The following TFDP2 variants were observed in gnomAD, a reference collection of about 807,000 sequenced individuals.
TFDP2 encodes transcription factor Dp-2 (E2F dimerization partner 2).
TFDP2 carries 17 observed loss-of-function variants against 59.3 expected under a neutral mutation model. The ratio of observed to expected loss-of-function variants is 0.29; its 90% confidence interval spans 0.20 to 0.43. TFDP2 has a LOEUF of 0.43. TFDP2 is among the 20% of genes least tolerant of loss of function. The pLI is 1.00. For missense variants in TFDP2, 391 were observed against 528.8 expected (o/e 0.74, Z 2.56); for synonymous variants, 180 against 194.7 (o/e 0.92, Z 0.63).
In TFDP2 at chr3:141,974,152, C is replaced by A; in HGVS notation, c.559G>T (p.Ala187Ser). ...TTCATTGCCATTAGCACATTTAAAGCATCATAAACTCTTCGCCTAATGTTC... is the reference window on the plus strand; with the variant it reads ...TTCATTGCCATTAGCACATTTAAAGAATCATAAACTCTTCGCCTAATGTTC... ...QKNIRRRVYDALNVLMAMNII... is the reference protein window; with the variant it reads ...QKNIRRRVYDSLNVLMAMNII... Residue 187 changes from alanine (A) to serine (S), a missense_variant, in exon 8 of 13, where the codon GCT becomes TCT. By Grantham distance (99) the Ala-to-Ser change is moderately conservative. This residue lies in a region of TFDP2 where 6 missense variants were observed against 29.4 expected (regional missense o/e 0.20). Transcript: ENST00000489671. The A allele has an allele frequency of 6.2e-7, 1 of 1,609,650 alleles. No individual in the cohort carries two copies.
chr3:142,032,954 G>C (rs1946507516), intron 3 of TFDP2, among the ~76,000 whole-genome samples: 1 of 152,142 alleles, frequency 6.6e-6, no homozygotes, highest in Non-Finnish European at 1.5e-5. Context: ...CCAGCACTTT[G>C]AGAGGCTGTG....
intron 9 of TFDP2, among the ~76,000 whole-genome samples, chr3:141,969,457 G>GA (rs1939372403): frequency 6.6e-6 from 1 of 150,462 alleles, no homozygotes; most frequent in African/African-American, 2.4e-5. Flanking sequence ...CTAAAAATAC[G>GA]AAAAAACTAG....
intron 3 of TFDP2, among the ~76,000 whole-genome samples, chr3:142,008,932 T>C (rs1944430013): frequency 1.3e-5 from 2 of 152,106 alleles, no homozygotes; most frequent in Admixed American, 6.6e-5. Flanking sequence ...GAAATTGAGA[T>C]TGAGATTAAA....
chr3:141,977,105 T>C (rs1366574738), intron 7 of TFDP2, among the ~76,000 whole-genome samples: 1 of 88,772 alleles, frequency 1.1e-5, no homozygotes, highest in Non-Finnish European at 2.4e-5. Flanking sequence ...TATATATATA[T>C]ATTTTTTTTT....
chr3:142,015,857 A>G (rs1945090543), intron 3 of TFDP2, among the ~76,000 whole-genome samples: 1 of 152,250 alleles, frequency 6.6e-6, no homozygotes, highest in Admixed American at 6.5e-5. Flanking sequence ...TGGTAGGGCT[A>G]TATTTCACTT....
intron 1 of TFDP2, among the ~76,000 whole-genome samples, chr3:142,142,105 C>A (rs767975773): frequency 2.0e-5 from 3 of 152,074 alleles, no homozygotes; most frequent in Non-Finnish European, 2.9e-5. Context: ...CTAGAGCAAT[C>A]AGACAACAGA....
chr3:142,045,843 A>G (rs1051820061), intron 3 of TFDP2, among the ~76,000 whole-genome samples: 1 of 149,788 alleles, frequency 6.7e-6, no homozygotes, highest in Non-Finnish European at 1.5e-5. Flanking sequence ...GGCTGGTCTC[A>G]AAATCCTGAC....
At chr3:142,062,401 A>ATATG (rs1452927187) in intron 3 of TFDP2, among the ~76,000 whole-genome samples, 5 of 144,022 alleles carry the variant, frequency 3.5e-5, no homozygotes, top group African/African-American at 1.0e-4. Context: ...TATAATATAT[A>ATATG]TGTGTGTGTG....
At chr3:142,125,616 T>A (rs2062211390) in intron 1 of TFDP2, among the ~76,000 whole-genome samples, 1 of 151,734 alleles carries the variant, frequency 6.6e-6, no homozygotes, top group Non-Finnish European at 1.5e-5. Context: ...CATCATGGCC[T>A]AAAAAAAATG....
At chr3:141,978,143 G>C (rs1940989016) in intron 7 of TFDP2, among the ~76,000 whole-genome samples, 1 of 151,808 alleles carries the variant, frequency 6.6e-6, no homozygotes, top group African/African-American at 2.4e-5. Flanking sequence ...TCAGGAGTTT[G>C]AGACCAGCCT....
intron 1 of TFDP2, among the ~76,000 whole-genome samples, chr3:142,103,954 G>A (rs574003393): frequency 1.9e-4 from 29 of 151,612 alleles, no homozygotes; most frequent in Admixed American, 5.3e-4. Flanking sequence ...ATAGGTATAC[G>A]TGTGCCATGG....
At position 141,944,621 on chromosome 3, in the gene TFDP2, C is replaced by T. The variant is rs1935050535; in HGVS notation, c.*7892G>A. On this transcript the variant is annotated 3_prime_UTR_variant, in exon 13 of 13. Transcript: ENST00000489671. ...CATTACAAATACAGCTTCCCAGGCC[C>T]CACCTCCAGCACTTCTGACTGAGCG... 1 of 152,154 alleles carries T rather than the reference C, an allele frequency of 6.6e-6. No homozygotes were observed. The highest frequency in any genetic ancestry group is 1.5e-5 in the Non-Finnish European group (1 of 68,042). The allele number at this position is 152,154 out of a possible 1,614,324, so 9.4% of individuals were successfully genotyped here. A position where few individuals can be genotyped will look rare whatever the true frequency, so the allele number is the denominator to read the frequency against.
At chr3:142,031,246 T>G (rs1216459676) in intron 3 of TFDP2, among the ~76,000 whole-genome samples, 1 of 152,228 alleles carries the variant, frequency 6.6e-6, no homozygotes, top group African/African-American at 2.4e-5. Context: ...CTACTGTTCT[T>G]GCAGAATGAA....
intron 1 of TFDP2, among the ~76,000 whole-genome samples, chr3:142,129,119 G>T (rs1277997237): frequency 1.3e-5 from 2 of 151,878 alleles, no homozygotes; most frequent in Non-Finnish European, 2.9e-5. Flanking sequence ...CAGAAACCTT[G>T]TCTGCATGAA....
intron 4 of TFDP2, among the ~76,000 whole-genome samples, chr3:141,997,373 TA>T (rs1412570523): frequency 6.6e-6 from 1 of 152,148 alleles, no homozygotes; most frequent in Admixed American, 6.5e-5. Context: ...GGACAACTTA[TA>T]AAGAAAAATG....
intron 11 of TFDP2, 53 bp from the exon 12 acceptor site, chr3:141,953,069 C>A: frequency 7.7e-7 from 1 of 1,306,220 alleles, no homozygotes. Flanking sequence ...TCTGTGGCTG[C>A]TGTTGTTACA....
intron 3 of TFDP2, among the ~76,000 whole-genome samples, chr3:142,012,228 G>A (rs1030730543): frequency 2.6e-5 from 4 of 152,146 alleles, no homozygotes; most frequent in South Asian, 2.1e-4. Context: ...TAGCCAGGAC[G>A]GTCTCGATCT....
chr3:141,989,082 T>C (rs1051838889), intron 6 of TFDP2: 1 of 152,242 alleles, frequency 6.6e-6, no homozygotes, highest in African/African-American at 2.4e-5. Flanking sequence ...ATTACAACTT[T>C]ATTTTATTGT....
At chr3:141,992,573 T>C (rs1270002391) in intron 6 of TFDP2, among the ~76,000 whole-genome samples, 1 of 152,196 alleles carries the variant, frequency 6.6e-6, no homozygotes, top group East Asian at 1.9e-4. Flanking sequence ...CCAGTTTGAG[T>C]TGGAAAGAGG....
Sources: gnomAD v4.1 joint callset for allele counts (sites outside exome capture counted in the v4.1 genomes callset) on GRCh38, gnomAD v4.1.1 for gene constraint, gnomAD v4.1.1 regional missense constraint, MANE v1.5 for transcripts, NCBI Gene and HGNC (gene_info 2026-07-23, HGNC 2026-07-21) for gene names.